OVCH1: variants seen among roughly 807,000 people sequenced by gnomAD.
OVCH1 encodes the protein ovochymase 1.
In OVCH1, 139 loss-of-function variants were observed where a neutral mutation model predicts 138.4. The ratio of observed to expected loss-of-function variants is 1.00; its 90% CI spans 0.87 to 1.16. OVCH1 has a LOEUF of 1.16. Among genes scored for constraint, OVCH1 ranks in the 50% most tolerant of loss-of-function variants. The pLI, the probability that OVCH1 is intolerant of heterozygous loss-of-function variation, is 0.00. For synonymous variants in OVCH1, 453 were observed against 467.8 expected (o/e 0.97, Z 0.41); for missense variants, 1,367 against 1,357.9 (o/e 1.01, Z -0.11).
At chr12:29,465,382 G>T (rs559545301) in intron 16 of OVCH1, among the ~76,000 whole-genome samples, 163 bp from the exon 17 acceptor site, 2 of 152,298 alleles carry the variant, frequency 1.3e-5, no homozygotes, top group South Asian at 4.1e-4. Flanking sequence ...ATTCTGCATG[G>T]CTGGGGAGGC....
chr12:29,497,499 C>A, intron 1 of OVCH1, 124 bp downstream of exon 1: 1 of 1,130,864 alleles, frequency 8.8e-7, no homozygotes. Context: ...CTCACCCTTT[C>A]TTCCCAAATG....
At chr12:29,451,523 G>A in exon 22 of OVCH1, 1 of 1,612,882 alleles carries the variant, frequency 6.2e-7, no homozygotes, top group Non-Finnish European at 8.5e-7. Context: ...ACCGTGGTGT[G>A]GGAAAAAAGC....
downstream of OVCH1, among the ~76,000 whole-genome samples, chr12:29,408,892 C>T (rs1648579595): frequency 1.3e-5 from 2 of 152,144 alleles, no homozygotes; most frequent in South Asian, 4.1e-4. Context: ...GGTACCAGTT[C>T]CTCCTTGTAC....
At chr12:29,474,991 T>A in intron 14 of OVCH1, 70 bp downstream of exon 14, 6 of 1,487,380 alleles carry the variant, frequency 4.0e-6, no homozygotes, top group Non-Finnish European at 5.4e-6. Flanking sequence ...GAGGTAAACA[T>A]GGCTAAATTA....
intron 20 of OVCH1, 138 bp from the exon 21 acceptor site, chr12:29,455,071 T>A: frequency 1.8e-6 from 2 of 1,137,732 alleles, no homozygotes; most frequent in Non-Finnish European, 2.5e-6. Flanking sequence ...AAAGTCAGTT[T>A]AACTCTACAC....
intron 3 of OVCH1, among the ~76,000 whole-genome samples, chr12:29,413,777 T>C (rs1940994707): frequency 6.6e-6 from 1 of 152,250 alleles, no homozygotes; most frequent in Admixed American, 6.5e-5. Flanking sequence ...CTGGATCATT[T>C]ATTTCAATGA....
At chr12:29,433,704 T>C (rs373826827) in intron 27 of OVCH1, 3 of 1,394,788 alleles carry the variant, frequency 2.2e-6, no homozygotes, top group African/African-American at 2.9e-5. Flanking sequence ...TCGGTTTAAA[T>C]GTGAGATTTT....
chr12:29,411,657 T>G (rs1302098708), downstream of OVCH1, among the ~76,000 whole-genome samples: 3 of 152,116 alleles, frequency 2.0e-5, no homozygotes, highest in Admixed American at 1.3e-4. Flanking sequence ...TGATCGTTCC[T>G]CTGGAAGTTT....
At chr12:29,445,180 A>G in intron 23 of OVCH1, 98 bp downstream of exon 23, 1 of 1,309,792 alleles carries the variant, frequency 7.6e-7, no homozygotes, top group Non-Finnish European at 1.0e-6. Flanking sequence ...ACAGAAACAT[A>G]ATTTCTTTCA....
chr12:29,445,453 G>A, intron 22 of OVCH1, 50 bp from the exon 23 acceptor site: 2 of 1,527,894 alleles, frequency 1.3e-6, no homozygotes, highest in Admixed American at 1.9e-5. Context: ...AAATTTGACA[G>A]CAGTTTCTGT....
At chr12:29,471,713 T>C in intron 16 of OVCH1, 89 bp downstream of exon 16, 1 of 1,339,750 alleles carries the variant, frequency 7.5e-7, no homozygotes, top group Non-Finnish European at 1.0e-6. Flanking sequence ...AGAATTAGTC[T>C]GGATGATCTT....
At chr12:29,471,916 G>C in exon 16 of OVCH1, 1 of 1,613,502 alleles carries the variant, frequency 6.2e-7, no homozygotes, top group East Asian at 2.2e-5. Context: ...GTGGGGGCAG[G>C]CTTCTTCCCC....
chr12:29,449,049 C>G lies in OVCH1; in HGVS notation c.2755+2296G>C, dbSNP rs143435244. On this transcript the variant is annotated intron_variant, in intron 22 of 27. Coordinates refer to ENST00000318184, the Ensembl canonical transcript of OVCH1. ...TTGAACAAAAAGAGGTTTCTCTGTA[C>G]ATGAAATTAAAAATGAGGGCTGGCA... Among the ~76,000 whole-genome samples the G allele has an allele frequency of 3.3e-5, 5 of 152,262 alleles. No homozygotes were observed. The South Asian group carries it at 1.0e-3, about 32-fold the overall frequency.
At chr12:29,470,975 T>C (rs1942486734) in intron 16 of OVCH1, among the ~76,000 whole-genome samples, 1 of 152,154 alleles carries the variant, frequency 6.6e-6, no homozygotes, top group Admixed American at 6.6e-5. Context: ...ACCAGTGATA[T>C]TGAGCTTTTT....
intron 24 of OVCH1, among the ~76,000 whole-genome samples, chr12:29,443,717 C>T (rs894024917): frequency 4.6e-5 from 7 of 152,056 alleles, no homozygotes; most frequent in African/African-American, 1.7e-4. Context: ...AAAGTTCATA[C>T]ATTATGAATG....
exon 25 of OVCH1, chr12:29,443,477 G>T: frequency 6.2e-7 from 1 of 1,606,428 alleles, no homozygotes; most frequent in Non-Finnish European, 8.5e-7. Flanking sequence ...GTGATTTAAA[G>T]GGGCTACTAA....
At chr12:29,427,791 C>T in intron 27 of OVCH1, 1 of 1,175,106 alleles carries the variant, frequency 8.5e-7, no homozygotes, top group Non-Finnish European at 1.1e-6. Context: ...AAAATCTTTA[C>T]AGAAATTGCA....
At chr12:29,442,148 T>C (rs1166419383) in intron 25 of OVCH1, among the ~76,000 whole-genome samples, 2 of 151,860 alleles carry the variant, frequency 1.3e-5, no homozygotes, top group Middle Eastern at 6.4e-3. Flanking sequence ...CTATAAATCA[T>C]GCTGCTACAA....
At chr12:29,495,532 G>A in intron 3 of OVCH1, 75 bp from the exon 4 acceptor site, 2 of 1,321,256 alleles carry the variant, frequency 1.5e-6, no homozygotes, top group Non-Finnish European at 2.1e-6. Context: ...GTAATTAAAT[G>A]AAAAGTGATT....
Sources: gnomAD v4.1 joint callset for allele counts (sites outside exome capture counted in the v4.1 genomes callset) on GRCh38, gnomAD v4.1.1 for gene constraint, MANE v1.5 for transcripts, NCBI Gene and HGNC (gene_info 2026-07-23, HGNC 2026-07-21) for gene names.